RECQL5: variants seen among roughly 807,000 people sequenced by gnomAD.
RECQL5 encodes the protein ATP-dependent DNA helicase Q5.
In RECQL5, 88 loss-of-function variants were observed where a neutral mutation model predicts 103.4. The observed-to-expected ratio is 0.85, with a 90% CI of 0.72 to 1.02. The LOEUF is 1.02. RECQL5 is among the 50% of genes least tolerant of loss of function. The pLI, the probability that RECQL5 is intolerant of heterozygous loss-of-function variation, is 0.00. For synonymous variants in RECQL5, 552 were observed against 507.9 expected (o/e 1.09, Z -1.17); for missense variants, 1,232 against 1,284.3 (o/e 0.96, Z 0.62).
Position 75,658,475 on chromosome 17 carries a change from G to T in RECQL5, c.987-15C>A. On this transcript the variant is annotated splice_polypyrimidine_tract_variant and intron_variant, in intron 6 of 19. Transcript: ENST00000317905. ...GGGCGACAAACCTGTAGGATCCAAA[G>T]GGACAAGCAGCATGAGATGGTGGAG... 2 of 1,612,058 alleles carry T rather than the reference G, an allele frequency of 1.2e-6. No individual in the cohort carries two copies. Among genetic ancestry groups the T allele is most frequent in the South Asian group, 2.2e-5 (2 of 90,944 alleles).
chr17:75,647,478 T>C, intron 8 of RECQL5: 1 of 1,550,356 alleles, frequency 6.5e-7, no homozygotes, highest in Non-Finnish European at 8.7e-7. Context: ...TCATCACCGC[T>C]GTCCTGCTTC....
chr17:75,642,607 A>G (rs942064177), intron 8 of RECQL5, among the ~76,000 whole-genome samples: 1 of 152,238 alleles, frequency 6.6e-6, no homozygotes, highest in Admixed American at 6.5e-5. Flanking sequence ...CCTCCAAAGA[A>G]TAGGATTCAG....
chr17:75,661,705 A>T lies in RECQL5; in HGVS notation c.775T>A (p.Ser259Thr). 1 of 1,612,788 alleles carries T rather than the reference A, an allele frequency of 6.2e-7. No individual in the cohort carries two copies. The highest frequency in any genetic ancestry group is 8.5e-7 in the Non-Finnish European group (1 of 1,178,836). Reference protein sequence around the residue: ...ALGQEADKGLSGCGIVYCRTR... With the variant: ...ALGQEADKGLTGCGIVYCRTR... Reference sequence around the variant, plus strand: ...CTGCAGTACACAATGCCGCAGCCAGATAACTGAATGGGGAGATGCAGGAAG... The same window carrying T: ...CTGCAGTACACAATGCCGCAGCCAGTTAACTGAATGGGGAGATGCAGGAAG... Residue 259 changes from serine to threonine, a missense_variant, in exon 5 of 20, where the codon TCT becomes ACT. Coordinates refer to ENST00000317905, the MANE Select transcript of RECQL5 (RefSeq NM_004259.7).
At chr17:75,665,891 G>A (rs1599068891) in intron 2 of RECQL5, among the ~76,000 whole-genome samples, 2 of 152,220 alleles carry the variant, frequency 1.3e-5, no homozygotes, top group Non-Finnish European at 2.9e-5. Context: ...ATTTGTCACC[G>A]TATCTCAGGT....
chr17:75,650,984 C>T, intron 8 of RECQL5: 2 of 1,498,560 alleles, frequency 1.3e-6, no homozygotes, highest in Non-Finnish European at 1.8e-6. Context: ...CTGAGCAAAT[C>T]CCCACACTGC....
chr17:75,632,980 T>C (rs886990828), intron 8 of RECQL5, among the ~76,000 whole-genome samples: 3 of 152,248 alleles, frequency 2.0e-5, no homozygotes, highest in Non-Finnish European at 1.5e-5. Flanking sequence ...GGCTCAAGGA[T>C]GCAAGGCTGA....
At position 75,640,938 on chromosome 17, in the gene RECQL5, C is replaced by T. The variant is rs775976120; in HGVS notation, c.1230-9270G>A. ...TGAGGAGAAGCTGGAGAGGAGATGGCCAATGCCATGACACAGGCCATCAGC... is the reference window on the plus strand; with the variant it reads ...TGAGGAGAAGCTGGAGAGGAGATGGTCAATGCCATGACACAGGCCATCAGC... On this transcript the variant is annotated intron_variant, in intron 8 of 19. Transcript: ENST00000317905. This position sits in a 1 kb window ranked among gnomAD's most constrained non-coding sequence, Gnocchi z 4.6. 1.0e-5 allele frequency: 16 copies of T among 1,534,898 alleles called. No homozygotes were observed. Among genetic ancestry groups the T allele is most frequent in the Non-Finnish European group, 1.4e-5 (16 of 1,144,118 alleles).
rs77898201 is a variant in RECQL5 at position 75,640,898 on chromosome 17, C to T, written c.1230-9230G>A. The T allele has an allele frequency of 2.9e-3, 4,456 of 1,543,364 alleles. 81 individuals are homozygous for T. The African/African-American group carries it at 0.052, about 18-fold the overall frequency. On this transcript the variant is annotated intron_variant, in intron 8 of 19. Transcript: ENST00000317905. This position sits in a 1 kb window ranked among gnomAD's most constrained non-coding sequence, Gnocchi z 4.6. Reference sequence around the variant, plus strand: ...CCAGGTGCAGCCGACACCACCATGACGGACGGGCGATGGCTGAGGAGAAGC... The same window carrying T: ...CCAGGTGCAGCCGACACCACCATGATGGACGGGCGATGGCTGAGGAGAAGC...
chr17:75,660,855 C>G, intron 6 of RECQL5, 100 bp downstream of exon 6: 13 of 871,212 alleles, frequency 1.5e-5, no homozygotes, highest in Non-Finnish European at 2.0e-6. Flanking sequence ...CCCTCTAGCC[C>G]TCGAAGGAGC....
At position 75,630,845 on chromosome 17, in the gene RECQL5, G is replaced by T. The variant is rs74632503; in HGVS notation, c.1586-8C>A. The T allele has an allele frequency of 2.8e-3, 3,874 of 1,396,154 alleles. 64 individuals carry two copies. The highest frequency in any genetic ancestry group is 5.6e-3 in the East Asian group (223 of 39,854). 86.5% of individuals were successfully genotyped at this position (1,396,154 alleles called of 1,614,324 possible). On this transcript the variant is annotated splice_polypyrimidine_tract_variant and splice_region_variant and intron_variant, in intron 11 of 19. Transcript: ENST00000317905. The stretch of plus-strand genomic sequence containing the variant: ...TCAGGGGACAGTTCTCATCTGTGGG[G>T]GGGGGGGGTGGTCCTTGGTCCTTTC...
chr17:75,653,876 C>T lies in RECQL5; in HGVS notation c.1150-2611G>A, dbSNP rs549041384. 7.9e-5 allele frequency among the ~76,000 whole-genome samples: 12 copies of T among 151,064 alleles called. No homozygotes were observed. In the East Asian group the frequency reaches 9.8e-4, roughly 12 times the overall value. The stretch of plus-strand genomic sequence containing the variant: ...TTGCACCACTGCACTCCAGCCTGCA[C>T]GACAAAGACTGTCTGAAAAACAAAA... On this transcript the variant is annotated intron_variant, in intron 7 of 19. Coordinates refer to ENST00000317905, the MANE Select transcript of RECQL5 (RefSeq NM_004259.7).
At chr17:75,649,538 A>C in intron 8 of RECQL5, 1 of 735,434 alleles carries the variant, frequency 1.4e-6, no homozygotes, top group Non-Finnish European at 1.7e-6. Context: ...TCTGTCCCTC[A>C]CTGCCAGGTG....
chr17:75,666,694 T>G, intron 1 of RECQL5, 123 bp from the exon 2 acceptor site: 1 of 953,350 alleles, frequency 1.0e-6, no homozygotes, highest in Admixed American at 2.9e-5. Flanking sequence ...TGTATTATTT[T>G]TAAGTAATAA....
intron 8 of RECQL5, among the ~76,000 whole-genome samples, chr17:75,632,096 G>A (rs958049800): frequency 7.9e-5 from 12 of 152,238 alleles, no homozygotes; most frequent in Admixed American, 6.5e-4. Flanking sequence ...CGGACTGAGC[G>A]AAGATGGCTG....
chr17:75,647,106 C>A (rs1005588108), intron 8 of RECQL5, among the ~76,000 whole-genome samples: 1 of 152,256 alleles, frequency 6.6e-6, no homozygotes, highest in Non-Finnish European at 1.5e-5. Context: ...ACTGGAGAAT[C>A]CAGGGGCATC....
intron 6 of RECQL5, among the ~76,000 whole-genome samples, chr17:75,658,774 T>C (rs1351784352): frequency 1.3e-5 from 2 of 152,210 alleles, no homozygotes; most frequent in African/African-American, 4.8e-5. Flanking sequence ...ACTTATGAGC[T>C]ATGCAAATTT....
At chr17:75,652,892 T>C (rs748704247) in intron 7 of RECQL5, among the ~76,000 whole-genome samples, 3 of 152,176 alleles carry the variant, frequency 2.0e-5, no homozygotes, top group Non-Finnish European at 4.4e-5. Flanking sequence ...CCAAAGCCCC[T>C]CTCACAAAAT....
In RECQL5 at chr17:75,628,980, A is replaced by T; in HGVS notation, c.2443T>A (p.Ser815Thr). Residue 815 changes from serine to threonine, a missense_variant, in exon 16 of 20, where the codon TCG becomes ACG. Coordinates refer to ENST00000317905, the MANE Select transcript of RECQL5 (RefSeq NM_004259.7). The part of the protein sequence containing the change: ...TGEEDGAGGH[S>T]PAPPQTEECL... ...TCCTCAGTCTGGGGAGGGGCAGGCG[A>T]ATGTCCCCCGGCTCCATCTTCCTCC... The T allele has an allele frequency of 6.4e-7, 1 of 1,562,932 alleles. No individual in the cohort carries two copies. The highest frequency in any genetic ancestry group is 8.6e-7 in the Non-Finnish European group (1 of 1,157,652).
chr17:75,640,329 G>C lies in RECQL5; in HGVS notation c.1230-8661C>G, dbSNP rs759761312. On this transcript the variant is annotated intron_variant, in intron 8 of 19. Transcript: ENST00000317905. The surrounding 1 kb of genome is among the most constrained non-coding windows in gnomAD (Gnocchi z 4.6). The stretch of plus-strand genomic sequence containing the variant: ...TTCTCAGTCATCATCCTTTTCACAG[G>C]TTAGTTGGGGCACTCAGCACCCCAT... The C allele has an allele frequency of 2.6e-6, 4 of 1,545,528 alleles. No homozygotes were observed. The highest frequency in any genetic ancestry group is 2.7e-5 in the African/African-American group (2 of 73,014).
Sources: allele counts gnomAD v4.1 joint callset (sites outside exome capture counted in the v4.1 genomes callset), GRCh38; gene constraint gnomAD v4.1.1; non-coding constraint Gnocchi (gnomAD v3.1); transcripts MANE v1.5; gene names NCBI Gene and HGNC (gene_info 2026-07-23, HGNC 2026-07-21).